AGBL4: variants seen among roughly 807,000 people sequenced by gnomAD.
AGBL4 encodes the protein cytosolic carboxypeptidase 6.
Under a neutral mutation model 66.4 loss-of-function variants are expected in AGBL4, and 58 were observed. The observed-to-expected ratio is 0.87, with a 90% CI of 0.71 to 1.09. The LOEUF is 1.09. Ranked by LOEUF, AGBL4 falls within the 50% of genes least tolerant of loss-of-function variation. The probability of loss-of-function intolerance (pLI) is 0.00; values close to 1 mark genes in which losing one functional copy is unlikely to be tolerated. For synonymous variants in AGBL4, 234 were observed against 222.9 expected, an observed-to-expected ratio of 1.05 and a Z score of -0.44; for missense variants, 579 against 631.0, an observed-to-expected ratio of 0.92 and a Z score of 0.88.
intron 9 of AGBL4, among the ~76,000 whole-genome samples, chr1:48,608,576 T>C (rs763935843): frequency 5.3e-5 from 8 of 151,990 alleles, no homozygotes; most frequent in South Asian, 4.2e-4. Context: ...GATGGATAGA[T>C]GGATGGATGG....
chr1:49,679,004 A>C (rs1483368158), intron 3 of AGBL4, among the ~76,000 whole-genome samples: 3 of 152,062 alleles, frequency 2.0e-5, no homozygotes, highest in Non-Finnish European at 4.4e-5. Context: ...CATTTGAAAA[A>C]ATTGTTTATT....
intron 5 of AGBL4, among the ~76,000 whole-genome samples, chr1:49,041,790 C>T (rs1322670357): frequency 6.6e-6 from 1 of 152,046 alleles, no homozygotes; most frequent in East Asian, 1.9e-4. Context: ...CAGAGTTTTG[C>T]CCGAATCTTC....
chr1:49,990,921 G>A (rs1659893249), intron 1 of AGBL4, among the ~76,000 whole-genome samples: 1 of 152,122 alleles, frequency 6.6e-6, no homozygotes, highest in Non-Finnish European at 1.5e-5. Context: ...TTGTAAAGAT[G>A]CACTATTATC....
intron 4 of AGBL4, among the ~76,000 whole-genome samples, chr1:49,203,087 T>TA (rs1647843253): frequency 5.0e-5 from 1 of 19,954 alleles, no homozygotes; most frequent in African/African-American, 1.1e-4. Flanking sequence ...ATGGCTACTA[T>TA]CAAAAAAAAA....
intron 4 of AGBL4, among the ~76,000 whole-genome samples, chr1:49,179,903 T>G (rs1646899047): frequency 6.6e-6 from 1 of 150,932 alleles, no homozygotes; most frequent in Non-Finnish European, 1.5e-5. Flanking sequence ...TTTTTTTTAT[T>G]TTTTTTTTAT....
intron 11 of AGBL4, among the ~76,000 whole-genome samples, chr1:48,571,342 T>C (rs767791554): frequency 1.3e-5 from 2 of 152,256 alleles, no homozygotes; most frequent in Non-Finnish European, 2.9e-5. Flanking sequence ...CACCACTTAG[T>C]TGTCCTGGCT....
intron 2 of AGBL4, among the ~76,000 whole-genome samples, chr1:49,818,886 T>G (rs1033191040): frequency 3.3e-5 from 5 of 152,120 alleles, no homozygotes; most frequent in South Asian, 2.1e-4. Flanking sequence ...CCATTCCAAG[T>G]CATCTGTGGC....
chr1:48,920,995 T>C (rs1002218592), intron 5 of AGBL4, among the ~76,000 whole-genome samples: 3 of 152,244 alleles, frequency 2.0e-5, no homozygotes, highest in African/African-American at 7.2e-5. Flanking sequence ...TTAATTCTAT[T>C]GATTACACAT....
In AGBL4 at chr1:48,894,496, G is replaced by T. The variant is rs930718902; in HGVS notation, c.595-27266C>A. Among the ~76,000 whole-genome samples, 4 of 152,004 alleles carry T rather than the reference G, an allele frequency of 2.6e-5. No individual in the cohort carries two copies. The East Asian group carries it at 7.7e-4, about 29-fold the overall frequency. ...CCCAAATGGAAATGCTAATGATTGGGAATTGGTTAAATACATTATGTGCAT... is the reference window on the plus strand; with the variant it reads ...CCCAAATGGAAATGCTAATGATTGGTAATTGGTTAAATACATTATGTGCAT... On this transcript the variant is annotated intron_variant, in intron 5 of 13. Coordinates refer to ENST00000371839, the MANE Select transcript of AGBL4 (RefSeq NM_032785.4).
chr1:48,610,862 C>CCA (rs1468909134), intron 9 of AGBL4, among the ~76,000 whole-genome samples: 2 of 152,026 alleles, frequency 1.3e-5, no homozygotes, highest in East Asian at 3.9e-4. Flanking sequence ...CCTCCTCCTT[C>CCA]CACACACACA....
intron 3 of AGBL4, among the ~76,000 whole-genome samples, chr1:49,669,497 G>A (rs1018237716): frequency 2.6e-5 from 4 of 152,082 alleles, no homozygotes; most frequent in African/African-American, 9.7e-5. Context: ...AAAATATAAA[G>A]CATATTATTG....
intron 4 of AGBL4, among the ~76,000 whole-genome samples, chr1:49,079,245 C>T (rs963740649): frequency 2.0e-5 from 3 of 152,134 alleles, no homozygotes; most frequent in African/African-American, 7.2e-5. Flanking sequence ...CTTTTAAAGT[C>T]CTACTCAAGG....
intron 2 of AGBL4, among the ~76,000 whole-genome samples, chr1:49,789,996 G>A (rs1644554843): frequency 6.6e-6 from 1 of 152,050 alleles, no homozygotes; most frequent in Admixed American, 6.5e-5. Flanking sequence ...TAGACCAATG[G>A]AACAGAAGAG....
rs74076224 is a variant in AGBL4 at position 48,673,668 on chromosome 1, T to C, written c.635-10427A>G. On this transcript the variant is annotated intron_variant, in intron 6 of 13. Transcript: ENST00000371839. ...GGCTGAGAAAACAAACCAATTGTTCTGGGCTGAGAAAACAAACCAACCCAT... is the reference window on the plus strand; with the variant it reads ...GGCTGAGAAAACAAACCAATTGTTCCGGGCTGAGAAAACAAACCAACCCAT... Among the ~76,000 whole-genome samples, 743 of 138,544 alleles carry C rather than the reference T, an allele frequency of 5.4e-3. 7 individuals are homozygous for C. Among genetic ancestry groups the C allele is most frequent in the African/African-American group, 0.024 (682 of 28,528 alleles). The allele number at this position is 138,544 out of a possible 152,430, so 90.9% of individuals were successfully genotyped here. A position where few individuals can be genotyped will look rare whatever the true frequency, so the allele number is the denominator to read the frequency against.
chr1:48,610,363 T>C (rs1645218700), intron 9 of AGBL4, among the ~76,000 whole-genome samples: 1 of 152,164 alleles, frequency 6.6e-6, no homozygotes. Flanking sequence ...CTGGTTAGGA[T>C]GCATTTTTCA....
chr1:49,557,520 C>G (rs1370409221), intron 3 of AGBL4, among the ~76,000 whole-genome samples: 1 of 152,088 alleles, frequency 6.6e-6, no homozygotes, highest in Non-Finnish European at 1.5e-5. Context: ...GGGCTGTCCT[C>G]TTAGAGCAGA....
At chr1:48,543,883 T>C (rs1644117293) in intron 11 of AGBL4, among the ~76,000 whole-genome samples, 1 of 152,168 alleles carries the variant, frequency 6.6e-6, no homozygotes, top group Non-Finnish European at 1.5e-5. Flanking sequence ...CTCTTTTTTG[T>C]TATGGGAGGT....
intron 5 of AGBL4, among the ~76,000 whole-genome samples, chr1:48,921,774 A>G (rs1654103938): frequency 6.6e-6 from 1 of 152,230 alleles, no homozygotes; most frequent in South Asian, 2.1e-4. Flanking sequence ...ATAATGGTAG[A>G]GCCAAGATTC....
chr1:49,007,721 T>G (rs1490488962), intron 5 of AGBL4, among the ~76,000 whole-genome samples: 1 of 151,158 alleles, frequency 6.6e-6, no homozygotes, highest in African/African-American at 2.4e-5. Context: ...GGGGCCAATA[T>G]TCAACATTCT....
Sources: gnomAD v4.1 joint callset for allele counts (sites outside exome capture counted in the v4.1 genomes callset) on GRCh38, gnomAD v4.1.1 for gene constraint, MANE v1.5 for transcripts, NCBI Gene and HGNC (gene_info 2026-07-23, HGNC 2026-07-21) for gene names.